PCBD2: variants seen among roughly 807,000 people sequenced by gnomAD.
The protein encoded by PCBD2 is pterin-4 alpha-carbinolamine dehydratase 2, also known as pterin-4-alpha-carbinolamine dehydratase 2.
A neutral mutation model predicts 16.4 loss-of-function variants in PCBD2; 12 were observed. The observed-to-expected ratio is 0.73, with a 90% CI of 0.47 to 1.19. The LOEUF (loss-of-function observed/expected upper bound fraction) is 1.19. Ranked by LOEUF, PCBD2 falls within the 50% of genes most tolerant of loss-of-function variation. The pLI is 0.00. For missense variants in PCBD2, 138 were observed against 156.8 expected (o/e 0.88, Z 0.64); for synonymous variants, 58 against 61.8 (o/e 0.94, Z 0.29).
intron 2 of PCBD2, among the ~76,000 whole-genome samples, chr5:134,957,192 A>G (rs1195701984): frequency 1.3e-5 from 2 of 152,128 alleles, no homozygotes; most frequent in African/African-American, 4.8e-5. Flanking sequence ...CCGGGATGCA[A>G]AGGCTGCCGT....
At chr5:134,945,372 C>T (rs964769758) in intron 2 of PCBD2, among the ~76,000 whole-genome samples, 1 of 152,150 alleles carries the variant, frequency 6.6e-6, no homozygotes, top group Non-Finnish European at 1.5e-5. Context: ...TGGGAGCCTG[C>T]TCTGAGGAGG....
chr5:134,923,700 A>G (rs1750938421), intron 2 of PCBD2: 2 of 385,556 alleles, frequency 5.2e-6, no homozygotes, highest in Non-Finnish European at 9.2e-6. Context: ...TAGGAGGATG[A>G]TGCCAATGTT....
intron 2 of PCBD2, 93 bp from the exon 3 acceptor site, chr5:134,958,947 C>T (rs1218585600): frequency 2.2e-6 from 2 of 929,474 alleles, no homozygotes; most frequent in African/African-American, 3.4e-5. Context: ...AGGATCCTTG[C>T]CTGCCTTTAT....
At chr5:134,948,284 G>A (rs1340454581) in intron 2 of PCBD2, among the ~76,000 whole-genome samples, 2 of 152,196 alleles carry the variant, frequency 1.3e-5, no homozygotes, top group East Asian at 1.9e-4. Context: ...TTTGGAAACC[G>A]GTAGTGTCTC....
chr5:134,916,893 T>G (rs1750840076), intron 2 of PCBD2, among the ~76,000 whole-genome samples: 1 of 152,226 alleles, frequency 6.6e-6, no homozygotes, highest in African/African-American at 2.4e-5. Flanking sequence ...AGACAGAGCA[T>G]GGCAGTGGTG....
At chr5:134,921,450 G>A (rs983940717) in intron 2 of PCBD2, among the ~76,000 whole-genome samples, 4 of 152,110 alleles carry the variant, frequency 2.6e-5, no homozygotes, top group African/African-American at 4.8e-5. Flanking sequence ...GGGTTAGCAG[G>A]TGACATAGGT....
intron 2 of PCBD2, among the ~76,000 whole-genome samples, chr5:134,952,293 C>A (rs1751367667): frequency 6.6e-6 from 1 of 152,018 alleles, no homozygotes; most frequent in South Asian, 2.1e-4. Flanking sequence ...GCATCTATTC[C>A]TATCTATCAG....
intron 2 of PCBD2, among the ~76,000 whole-genome samples, chr5:134,912,021 G>A (rs1346681538): frequency 6.6e-6 from 1 of 152,212 alleles, no homozygotes; most frequent in Non-Finnish European, 1.5e-5. Context: ...CTCGAATGGT[G>A]TTGCCTCAGG....
intron 2 of PCBD2, among the ~76,000 whole-genome samples, chr5:134,956,682 C>T (rs1194621811): frequency 5.3e-5 from 8 of 152,090 alleles, no homozygotes; most frequent in African/African-American, 1.2e-4. Context: ...TCTACATGTG[C>T]GAGTCTCTAT....
chr5:134,932,239 G>A (rs758566107), intron 2 of PCBD2, among the ~76,000 whole-genome samples: 1 of 151,988 alleles, frequency 6.6e-6, no homozygotes, highest in Non-Finnish European at 1.5e-5. Context: ...GTGCAGCGAC[G>A]TGATCGTAGC....
Position 134,960,946 on chromosome 5 carries a change from T to C in PCBD2, c.*265T>C. 3.3e-6 allele frequency: 1 copy of C among 299,948 alleles called. No homozygotes were observed. Among genetic ancestry groups the C allele is most frequent in the South Asian group, 3.6e-5 (1 of 27,716 alleles). The allele number at this position is 299,948 out of a possible 1,614,324, so 18.6% of individuals were successfully genotyped here. A position where few individuals can be genotyped will look rare whatever the true frequency, so the allele number is the denominator to read the frequency against. On this transcript the variant is annotated 3_prime_UTR_variant, in exon 4 of 4. Coordinates refer to ENST00000254908, the MANE Select transcript of PCBD2 (RefSeq NM_032151.5). ...CACGCCTGGCTAATTTTTGTATTTTTAGTATAGACAGGGTTTTACCACGTT... is the reference window on the plus strand; with the variant it reads ...CACGCCTGGCTAATTTTTGTATTTTCAGTATAGACAGGGTTTTACCACGTT...
intron 2 of PCBD2, among the ~76,000 whole-genome samples, chr5:134,912,019 G>A (rs1275267660): frequency 1.3e-5 from 2 of 152,216 alleles, no homozygotes; most frequent in Non-Finnish European, 2.9e-5. Flanking sequence ...TACTCGAATG[G>A]TGTTGCCTCA....
intron 2 of PCBD2, among the ~76,000 whole-genome samples, chr5:134,920,787 C>G (rs1750894575): frequency 6.6e-6 from 1 of 152,076 alleles, no homozygotes; most frequent in Non-Finnish European, 1.5e-5. Context: ...TCTCAAGTAG[C>G]TGGGATTAGA....
Position 134,955,658 on chromosome 5 carries a change from TTTCTAG to T in PCBD2, c.217-3377_217-3372del, listed in dbSNP as rs1311300645. 2.3e-4 allele frequency among the ~76,000 whole-genome samples: 35 copies of T among 152,310 alleles called. No homozygotes were observed. In the Middle Eastern group the frequency reaches 0.014, roughly 59 times the overall value. On this transcript the variant is annotated intron_variant, in intron 2 of 3. Transcript: ENST00000254908. ...CTTTGTTTGTCCTTACATTTATTCTTTTCTAGTTCTTCTAAACTCTTGTTGATTTCT... is the reference window on the plus strand; with the variant it reads ...CTTTGTTTGTCCTTACATTTATTCTTTTCTTCTAAACTCTTGTTGATTTCT...
intron 2 of PCBD2, among the ~76,000 whole-genome samples, chr5:134,914,267 T>A (rs1750801445): frequency 6.6e-6 from 1 of 152,082 alleles, no homozygotes; most frequent in Non-Finnish European, 1.5e-5. Context: ...GATCATCAAT[T>A]GAGAGCAAGT....
At chr5:134,911,497 T>G (rs756221641) in intron 2 of PCBD2, among the ~76,000 whole-genome samples, 5 of 152,260 alleles carry the variant, frequency 3.3e-5, no homozygotes, top group Admixed American at 6.5e-5. Flanking sequence ...TTTATTGTTT[T>G]TATTTATATT....
intron 2 of PCBD2, chr5:134,927,552 A>G: frequency 2.5e-6 from 1 of 396,754 alleles, no homozygotes; most frequent in Non-Finnish European, 4.4e-6. Context: ...GATTAGTGCG[A>G]TGAGTAGGGG....
chr5:134,920,118 A>G (rs1278135916), intron 2 of PCBD2, among the ~76,000 whole-genome samples: 1 of 152,118 alleles, frequency 6.6e-6, no homozygotes, highest in Non-Finnish European at 1.5e-5. Context: ...TCTTTTTCTT[A>G]CATCCTTTTA....
chr5:134,905,248 T>G (rs1422347363), intron 1 of PCBD2, 25 bp downstream of exon 1: 4 of 1,168,764 alleles, frequency 3.4e-6, no homozygotes, highest in Non-Finnish European at 3.2e-6. Context: ...GCCGCGTGGG[T>G]GGGGGTCCGG....
Sources: allele counts gnomAD v4.1 joint callset (sites outside exome capture counted in the v4.1 genomes callset), GRCh38; gene constraint gnomAD v4.1.1; transcripts MANE v1.5; gene names NCBI Gene and HGNC (gene_info 2026-07-23, HGNC 2026-07-21).